Variants in ZSWIM6 observed in about 807,000 individuals in gnomAD.
ZSWIM6 encodes the protein zinc finger SWIM-type containing 6.
A neutral mutation model predicts 113.2 loss-of-function variants in ZSWIM6; 9 were observed. The ratio of observed to expected loss-of-function variants is 0.08; its 90% CI spans 0.05 to 0.14. The LOEUF is 0.14. Among genes scored for constraint, ZSWIM6 ranks in the 10% least tolerant of loss-of-function variants. ZSWIM6 has a pLI of 1.00. For synonymous variants in ZSWIM6, 611 were observed against 606.5 expected (o/e 1.01, Z -0.11); for missense variants, 1,162 against 1,552.2 (o/e 0.75, Z 4.22).
At chr5:61,380,101 G>C (rs1745445385) in intron 1 of ZSWIM6, among the ~76,000 whole-genome samples, 1 of 151,682 alleles carries the variant, frequency 6.6e-6, no homozygotes. Context: ...TTGACACGGA[G>C]TTTCGCTCCT....
chr5:61,503,990 T>G (rs1480634188), intron 4 of ZSWIM6, among the ~76,000 whole-genome samples: 2 of 152,240 alleles, frequency 1.3e-5, no homozygotes, highest in African/African-American at 4.8e-5. Flanking sequence ...ATTTTTATTT[T>G]TCCTATAAAG....
intron 1 of ZSWIM6, among the ~76,000 whole-genome samples, chr5:61,384,480 A>T (rs1029461586): frequency 1.1e-4 from 16 of 152,196 alleles, no homozygotes; most frequent in African/African-American, 3.6e-4. Context: ...ACAAAGGCTA[A>T]AACAAGCCAC....
chr5:61,501,024 G>A (rs1748451537), intron 4 of ZSWIM6, among the ~76,000 whole-genome samples: 1 of 152,122 alleles, frequency 6.6e-6, no homozygotes, highest in South Asian at 2.1e-4. Flanking sequence ...TCTCTGCCTT[G>A]TTCAGAGTTT....
At chr5:61,426,811 CTTTTTTT>C (rs1173474197) in intron 1 of ZSWIM6, among the ~76,000 whole-genome samples, 2 of 143,908 alleles carry the variant, frequency 1.4e-5, no homozygotes, top group Middle Eastern at 3.3e-3. Flanking sequence ...TTGAGTTTTT[CTTTTTTT>C]TTTTTTTTCT....
At chr5:61,525,639 T>G (rs1250216666) in intron 5 of ZSWIM6, among the ~76,000 whole-genome samples, 161 bp from the exon 6 acceptor site, 2 of 152,210 alleles carry the variant, frequency 1.3e-5, no homozygotes, top group Admixed American at 6.5e-5. Flanking sequence ...TGCCTCTTAG[T>G]ACTTAGGATG....
chr5:61,339,782 A>C (rs1158334996), intron 1 of ZSWIM6, among the ~76,000 whole-genome samples: 4 of 152,224 alleles, frequency 2.6e-5, no homozygotes, highest in African/African-American at 9.6e-5. Context: ...ACTGTGGTAT[A>C]ATTTTTAAAA....
intron 1 of ZSWIM6, among the ~76,000 whole-genome samples, chr5:61,333,874 C>CA (rs930504003): frequency 3.9e-5 from 6 of 152,116 alleles, no homozygotes; most frequent in African/African-American, 7.2e-5. Context: ...CCGCGGTCGG[C>CA]AGTTGCGGAT....
chr5:61,376,920 TAAA>T (rs1164669257), intron 1 of ZSWIM6, among the ~76,000 whole-genome samples: 2 of 143,562 alleles, frequency 1.4e-5, no homozygotes, highest in African/African-American at 5.1e-5. Flanking sequence ...GGGTTTTGAT[TAAA>T]AAAAAAAAAG....
intron 1 of ZSWIM6, among the ~76,000 whole-genome samples, chr5:61,333,186 C>T (rs1310100774): frequency 6.6e-6 from 1 of 151,986 alleles, no homozygotes; most frequent in African/African-American, 2.4e-5. Flanking sequence ...CAGGACGCGC[C>T]CCTCCGTGGG....
chr5:61,459,532 G>A (rs1423349596), intron 1 of ZSWIM6, among the ~76,000 whole-genome samples: 1 of 152,096 alleles, frequency 6.6e-6, no homozygotes, highest in Non-Finnish European at 1.5e-5. Context: ...TTAGTTCTTA[G>A]TCACAACTCT....
At chr5:61,409,433 C>T (rs1383421221) in intron 1 of ZSWIM6, among the ~76,000 whole-genome samples, 1 of 152,056 alleles carries the variant, frequency 6.6e-6, no homozygotes, top group African/African-American at 2.4e-5. Flanking sequence ...GGAAAATTGG[C>T]AAGATTAATT....
At chr5:61,444,604 T>A (rs1746911167) in intron 1 of ZSWIM6, among the ~76,000 whole-genome samples, 1 of 152,226 alleles carries the variant, frequency 6.6e-6, no homozygotes, top group Admixed American at 6.5e-5. Flanking sequence ...TATAATTTTC[T>A]GTTAAAGAGC....
chr5:61,473,532 T>G (rs777230599), intron 2 of ZSWIM6, among the ~76,000 whole-genome samples: 10 of 152,234 alleles, frequency 6.6e-5, no homozygotes, highest in Non-Finnish European at 1.2e-4. Context: ...ACAAAAAGTT[T>G]TCTTTTAAAA....
chr5:61,452,671 A>G (rs772432546), intron 1 of ZSWIM6, among the ~76,000 whole-genome samples: 1 of 152,140 alleles, frequency 6.6e-6, no homozygotes, highest in Non-Finnish European at 1.5e-5. Context: ...AACCTCCCCT[A>G]ATGTTAATAT....
intron 4 of ZSWIM6, among the ~76,000 whole-genome samples, chr5:61,512,370 A>G (rs1443005514): frequency 1.3e-5 from 2 of 152,162 alleles, no homozygotes; most frequent in African/African-American, 4.8e-5. Flanking sequence ...CACCAGTTGA[A>G]GGACATCTAG....
At chr5:61,522,338 T>C (rs1242631285) in intron 5 of ZSWIM6, among the ~76,000 whole-genome samples, 1 of 152,088 alleles carries the variant, frequency 6.6e-6, no homozygotes, top group African/African-American at 2.4e-5. Context: ...TGGGAGAAAA[T>C]TTGAAAGATT....
intron 7 of ZSWIM6, among the ~76,000 whole-genome samples, chr5:61,528,470 TTTC>T (rs896338971): frequency 5.3e-5 from 8 of 152,134 alleles, no homozygotes; most frequent in Non-Finnish European, 7.4e-5. Flanking sequence ...AGTGCTCATG[TTTC>T]TTTTTTCCTA....
In ZSWIM6 at chr5:61,521,246, T is replaced by C; in HGVS notation, c.1334-17T>C. 7.8e-7 allele frequency: 1 copy of C among 1,289,896 alleles called. No homozygotes were observed. The highest frequency in any genetic ancestry group is 9.9e-7 in the Non-Finnish European group (1 of 1,006,012). The allele number at this position is 1,289,896 out of a possible 1,614,324, so 79.9% of individuals were successfully genotyped here. ...ATAATTTTTGAACATTTATTTTCCTTTCCTCCTTTAAATTAGGTGCTCTGT... is the reference window on the plus strand; with the variant it reads ...ATAATTTTTGAACATTTATTTTCCTCTCCTCCTTTAAATTAGGTGCTCTGT... On this transcript the variant is annotated splice_polypyrimidine_tract_variant and intron_variant, in intron 4 of 13. Transcript: ENST00000252744.
chr5:61,341,134 T>C (rs1279894970), intron 1 of ZSWIM6, among the ~76,000 whole-genome samples: 2 of 152,250 alleles, frequency 1.3e-5, no homozygotes, highest in Non-Finnish European at 1.5e-5. Context: ...CTTTGGGTAC[T>C]CTGGTTTCCT....
Sources: gnomAD v4.1 joint callset for allele counts (sites outside exome capture counted in the v4.1 genomes callset) on GRCh38, gnomAD v4.1.1 for gene constraint, MANE v1.5 for transcripts, NCBI Gene and HGNC (gene_info 2026-07-23, HGNC 2026-07-21) for gene names.